The following WDFY3 variants were observed in gnomAD, a reference collection of about 807,000 sequenced individuals.
WDFY3 encodes WD repeat and FYVE domain-containing protein 3.
A neutral mutation model predicts 409.6 loss-of-function variants in WDFY3; 66 were observed. The observed-to-expected ratio is 0.16, with a 90% CI of 0.13 to 0.20. The LOEUF is 0.20. WDFY3 is among the 10% of genes least tolerant of loss of function. The probability of loss-of-function intolerance (pLI) is 1.00; values close to 1 mark genes in which losing one functional copy is unlikely to be tolerated. For synonymous variants in WDFY3, 1,521 were observed against 1,537.1 expected, an observed-to-expected ratio of 0.99 and a Z score of 0.25; for missense variants, 3,031 against 4,298.1, an observed-to-expected ratio of 0.71 and a Z score of 8.24.
At chr4:84,759,650 A>G (rs1285635717) in intron 32 of WDFY3, among the ~76,000 whole-genome samples, 1 of 147,952 alleles carries the variant, frequency 6.8e-6, no homozygotes, top group Non-Finnish European at 1.5e-5. Flanking sequence ...TTGTACATTG[A>G]TTTTGTATCC....
chr4:84,700,273 C>T (rs566121865), intron 56 of WDFY3, among the ~76,000 whole-genome samples: 84 of 152,258 alleles, frequency 5.5e-4, no homozygotes, highest in African/African-American at 1.9e-3. Context: ...GGCACGAACA[C>T]GGCTCACTGC....
At chr4:84,919,587 T>C (rs899531911) in intron 2 of WDFY3, among the ~76,000 whole-genome samples, 2 of 152,172 alleles carry the variant, frequency 1.3e-5, no homozygotes, top group African/African-American at 2.4e-5. Flanking sequence ...AACTGAATCA[T>C]AGGGGTGGTT....
intron 49 of WDFY3, among the ~76,000 whole-genome samples, chr4:84,716,567 C>T (rs1021436945): frequency 4.6e-5 from 7 of 151,604 alleles, no homozygotes; most frequent in South Asian, 2.1e-4. Flanking sequence ...GAGGCCAAGG[C>T]GGGCGGATCA....
intron 2 of WDFY3, among the ~76,000 whole-genome samples, chr4:84,922,173 T>C (rs1168238589): frequency 2.6e-5 from 4 of 152,116 alleles, no homozygotes; most frequent in Non-Finnish European, 4.4e-5. Context: ...TTATGTTGAA[T>C]GTCAAGTTGC....
At chr4:84,785,498 C>G (rs1353317576) in intron 24 of WDFY3, among the ~76,000 whole-genome samples, 1 of 152,158 alleles carries the variant, frequency 6.6e-6, no homozygotes, top group African/African-American at 2.4e-5. Context: ...CTTTATTTTA[C>G]TGCATAGCAC....
intron 44 of WDFY3, among the ~76,000 whole-genome samples, chr4:84,730,077 G>A (rs1440332380): frequency 1.3e-5 from 2 of 152,154 alleles, no homozygotes; most frequent in Admixed American, 1.3e-4. Flanking sequence ...GATTTACTAT[G>A]AAGTTAAGGT....
intron 64 of WDFY3, among the ~76,000 whole-genome samples, chr4:84,681,296 A>G (rs558129711): frequency 6.6e-6 from 1 of 152,256 alleles, no homozygotes; most frequent in East Asian, 1.9e-4. Context: ...TATTTACTTA[A>G]AAGCTTTTTA....
chr4:84,734,973 C>G, intron 43 of WDFY3, 70 bp downstream of exon 43: 1 of 1,301,498 alleles, frequency 7.7e-7, no homozygotes, highest in Admixed American at 1.9e-5. Flanking sequence ...AGAAAGATAC[C>G]AGGACAAACA....
At chr4:84,829,616 G>A (rs1476959724) in intron 8 of WDFY3, among the ~76,000 whole-genome samples, 1 of 151,908 alleles carries the variant, frequency 6.6e-6, no homozygotes, top group Non-Finnish European at 1.5e-5. Flanking sequence ...TATATAGCCT[G>A]GCTAACATGG....
intron 64 of WDFY3, among the ~76,000 whole-genome samples, chr4:84,681,568 T>G (rs1028987324): frequency 6.6e-6 from 1 of 152,210 alleles, no homozygotes; most frequent in East Asian, 1.9e-4. Context: ...AAGTGACTTG[T>G]GTCCTTTTGC....
intron 3 of WDFY3, among the ~76,000 whole-genome samples, chr4:84,875,693 T>C (rs1762691048): frequency 6.6e-6 from 1 of 152,208 alleles, no homozygotes; most frequent in African/African-American, 2.4e-5. Context: ...TCTATAAGCA[T>C]TTTTATATTT....
At position 84,911,255 on chromosome 4, in the gene WDFY3, G is replaced by A. The variant is rs536030163; in HGVS notation, c.-131-14245C>T. On this transcript the variant is annotated intron_variant, in intron 2 of 67. Coordinates refer to ENST00000295888, the MANE Select transcript of WDFY3 (RefSeq NM_014991.6). Reference sequence around the variant, plus strand: ...ACCCAATTTAAAAATGAGCAAAGGAGGTGGGAGGATCACTTGAAGCCAGGA... The same window carrying A: ...ACCCAATTTAAAAATGAGCAAAGGAAGTGGGAGGATCACTTGAAGCCAGGA... Among the ~76,000 whole-genome samples the A allele has an allele frequency of 1.1e-3, 165 of 152,214 alleles. 2 individuals carry two copies. The highest frequency in any genetic ancestry group is 3.7e-3 in the African/African-American group (154 of 41,544).
At chr4:84,826,789 C>T in intron 10 of WDFY3, 26 bp downstream of exon 10, 1 of 1,572,600 alleles carries the variant, frequency 6.4e-7, no homozygotes, top group Non-Finnish European at 8.6e-7. Context: ...CTCTCAGTAG[C>T]ACAGAAGGGA....
intron 60 of WDFY3, 44 bp from the exon 61 acceptor site, chr4:84,690,708 T>G (rs1166707080): frequency 6.5e-7 from 1 of 1,544,280 alleles, no homozygotes; most frequent in South Asian, 1.3e-5. Flanking sequence ...CGTTAAGTAC[T>G]ATACAAACTT....
chr4:84,687,974 G>T, intron 62 of WDFY3, 112 bp downstream of exon 62: 1 of 1,138,780 alleles, frequency 8.8e-7, no homozygotes, highest in Non-Finnish European at 1.3e-6. Context: ...TCCTGCGGTA[G>T]CCTCCTGAGC....
chr4:84,699,595 T>C (rs1181696522), intron 56 of WDFY3, among the ~76,000 whole-genome samples: 1 of 152,164 alleles, frequency 6.6e-6, no homozygotes, highest in African/African-American at 2.4e-5. Context: ...GGTCATATGG[T>C]AATTCTGTTT....
chr4:84,833,349 A>G (rs906304983), intron 7 of WDFY3, among the ~76,000 whole-genome samples: 1 of 152,172 alleles, frequency 6.6e-6, no homozygotes, highest in Non-Finnish European at 1.5e-5. Context: ...CTTGAAAAAG[A>G]GCGCTTCATG....
chr4:84,718,214 C>T (rs948616877), intron 48 of WDFY3, among the ~76,000 whole-genome samples: 2 of 151,512 alleles, frequency 1.3e-5, no homozygotes, highest in South Asian at 4.2e-4. Context: ...TGTTATTTAG[C>T]TTTCATCTTG....
intron 1 of WDFY3, among the ~76,000 whole-genome samples, chr4:84,951,119 C>T (rs908056464): frequency 6.6e-6 from 1 of 152,320 alleles, no homozygotes; most frequent in Non-Finnish European, 1.5e-5. Flanking sequence ...TTTTATATTC[C>T]TATGACCCTT....
Sources: allele counts gnomAD v4.1 joint callset (sites outside exome capture counted in the v4.1 genomes callset), GRCh38; gene constraint gnomAD v4.1.1; transcripts MANE v1.5; gene names NCBI Gene and HGNC (gene_info 2026-07-23, HGNC 2026-07-21).